NAALADL2: variants seen among roughly 807,000 people sequenced by gnomAD.
The protein encoded by NAALADL2 is inactive N-acetylated-alpha-linked acidic dipeptidase-like protein 2.
A neutral mutation model predicts 87.2 loss-of-function variants in NAALADL2; 76 were observed. The ratio of observed to expected loss-of-function variants is 0.87; its 90% CI spans 0.72 to 1.05. NAALADL2 has a LOEUF of 1.05. Ranked by LOEUF, NAALADL2 falls within the 50% of genes least tolerant of loss-of-function variation. The pLI is 0.00. For synonymous variants in NAALADL2, 354 were observed against 331.0 expected (o/e 1.07, Z -0.75); for missense variants, 1,089 against 945.8 (o/e 1.15, Z -1.99).
intron 2 of NAALADL2, among the ~76,000 whole-genome samples, chr3:175,212,728 C>G (rs1358462976): frequency 6.6e-6 from 1 of 152,086 alleles, no homozygotes; most frequent in Non-Finnish European, 1.5e-5. Context: ...AATTTTAAGT[C>G]AGCTTTCCCA....
chr3:174,839,513 G>C lies in NAALADL2; in HGVS notation c.-9+101767G>C, dbSNP rs139256749. On this transcript the variant is annotated intron_variant, in intron 3 of 3. Transcript: ENST00000434257. ...ATAGCTGGGACTTAATTAAACTAAA[G>C]AGCTTTTGCATGCCAAAAAGAACAG... Among the ~76,000 whole-genome samples, 549 of 152,172 alleles carry C rather than the reference G, an allele frequency of 3.6e-3. 3 individuals carry two copies. Among genetic ancestry groups the C allele is most frequent in the Middle Eastern group, 0.02 (6 of 294 alleles).
chr3:174,524,706 C>G (rs1276050003), intron 1 of NAALADL2, among the ~76,000 whole-genome samples: 2 of 106,620 alleles, frequency 1.9e-5, no homozygotes, highest in South Asian at 7.8e-4. Flanking sequence ...TGCCACCATG[C>G]CCAACAAATT....
At chr3:175,486,624 C>A (rs187267669) in intron 9 of NAALADL2, among the ~76,000 whole-genome samples, 52 of 152,234 alleles carry the variant, frequency 3.4e-4, no homozygotes, top group South Asian at 1.5e-3. Flanking sequence ...AAGAGAGAGG[C>A]CCCACTCGCT....
intron 5 of NAALADL2, among the ~76,000 whole-genome samples, chr3:175,341,855 G>A (rs1479129711): frequency 6.6e-6 from 1 of 152,060 alleles, no homozygotes; most frequent in Non-Finnish European, 1.5e-5. Context: ...TATATGGTAT[G>A]ATGTAGGAGT....
chr3:175,447,886 C>T (rs1301024166), intron 6 of NAALADL2, among the ~76,000 whole-genome samples: 1 of 152,170 alleles, frequency 6.6e-6, no homozygotes, highest in Admixed American at 6.5e-5. Context: ...TAGGATGAAA[C>T]TGAAGTAGTT....
chr3:175,089,720 A>C (rs1200025607), intron 1 of NAALADL2, among the ~76,000 whole-genome samples: 1 of 152,202 alleles, frequency 6.6e-6, no homozygotes, highest in Non-Finnish European at 1.5e-5. Flanking sequence ...CATATTCTCA[A>C]TACAGAAATC....
intron 3 of NAALADL2, among the ~76,000 whole-genome samples, chr3:174,798,151 T>C (rs1718361868): frequency 6.6e-6 from 1 of 152,198 alleles, no homozygotes; most frequent in Non-Finnish European, 1.5e-5. Flanking sequence ...TCAAAATTAA[T>C]TGACCATAAA....
At chr3:175,125,396 G>A (rs1726793948) in intron 2 of NAALADL2, among the ~76,000 whole-genome samples, 1 of 151,860 alleles carries the variant, frequency 6.6e-6, no homozygotes, top group East Asian at 1.9e-4. Flanking sequence ...CTACTTTGCT[G>A]AAAATAGCGC....
At chr3:174,840,524 T>C (rs1444806786) in intron 3 of NAALADL2, among the ~76,000 whole-genome samples, 1 of 152,126 alleles carries the variant, frequency 6.6e-6, no homozygotes, top group African/African-American at 2.4e-5. Context: ...ATATTTAAAG[T>C]CAAGTTTAGC....
chr3:174,646,277 TA>T (rs1723775642), intron 2 of NAALADL2, among the ~76,000 whole-genome samples: 1 of 152,132 alleles, frequency 6.6e-6, no homozygotes, highest in Admixed American at 6.5e-5. Flanking sequence ...ATCTGTTTTA[TA>T]AAATAAAACC....
intron 11 of NAALADL2, among the ~76,000 whole-genome samples, chr3:175,657,643 C>A (rs187095300): frequency 0.026 from 3,876 of 151,014 alleles, 175 homozygotes; most frequent in African/African-American, 0.09. Flanking sequence ...TGCAGTGGCA[C>A]GATCTGGGCT....
chr3:175,415,849 C>T (rs1028908757), intron 5 of NAALADL2, among the ~76,000 whole-genome samples: 2 of 150,692 alleles, frequency 1.3e-5, no homozygotes, highest in African/African-American at 4.9e-5. Flanking sequence ...TGTGGTGGCT[C>T]ACACCTGTAA....
intron 1 of NAALADL2, among the ~76,000 whole-genome samples, chr3:175,072,574 A>G (rs755072998): frequency 6.6e-6 from 1 of 151,266 alleles, no homozygotes; most frequent in Admixed American, 6.6e-5. Flanking sequence ...TGGCTTATCC[A>G]TCTTGAACAG....
At chr3:175,382,888 T>A (rs1287136083) in intron 5 of NAALADL2, among the ~76,000 whole-genome samples, 1 of 152,088 alleles carries the variant, frequency 6.6e-6, no homozygotes, top group Non-Finnish European at 1.5e-5. Flanking sequence ...CTTTCAATAT[T>A]TGTAGCTATC....
intron 1 of NAALADL2, chr3:174,459,512 A>G (rs1054041966): frequency 6.6e-6 from 1 of 152,204 alleles, no homozygotes; most frequent in African/African-American, 2.4e-5. Context: ...TGCACTGGAC[A>G]CTGACTTGAG....
At chr3:175,731,422 T>C (rs1404570279) in intron 11 of NAALADL2, among the ~76,000 whole-genome samples, 2 of 152,222 alleles carry the variant, frequency 1.3e-5, no homozygotes, top group African/African-American at 2.4e-5. Flanking sequence ...TCAGTGTTTT[T>C]GACATAGAAT....
intron 2 of NAALADL2, among the ~76,000 whole-genome samples, chr3:174,623,978 G>A (rs1305132843): frequency 6.6e-6 from 1 of 152,032 alleles, no homozygotes; most frequent in Admixed American, 6.6e-5. Flanking sequence ...TGTTTAATGT[G>A]AAATAATGAA....
chr3:174,524,535 G>A (rs1307015401), intron 1 of NAALADL2, among the ~76,000 whole-genome samples: 1 of 151,898 alleles, frequency 6.6e-6, no homozygotes, highest in African/African-American at 2.4e-5. Context: ...ATATATTTAG[G>A]TGGTCCCATA....
intron 7 of NAALADL2, among the ~76,000 whole-genome samples, chr3:175,464,020 G>C (rs146684788): frequency 0.014 from 2,178 of 152,218 alleles, 42 homozygotes; most frequent in African/African-American, 0.048. Flanking sequence ...ATTTTTAGTA[G>C]AGACAGGGTT....
Sources: allele counts gnomAD v4.1 joint callset (sites outside exome capture counted in the v4.1 genomes callset), GRCh38; gene constraint gnomAD v4.1.1; transcripts MANE v1.5; gene names NCBI Gene and HGNC (gene_info 2026-07-23, HGNC 2026-07-21).